KLHL3: variants seen among roughly 807,000 people sequenced by gnomAD.
The protein encoded by KLHL3 is kelch like family member 3, also known as kelch-like protein 3.
In KLHL3, 19 loss-of-function variants were observed where a neutral mutation model predicts 70.5. The observed-to-expected ratio is 0.27, with a 90% confidence interval of 0.19 to 0.40. The LOEUF (loss-of-function observed/expected upper bound fraction) is 0.40. Ranked by LOEUF, KLHL3 falls within the 10% of genes least tolerant of loss-of-function variation. The pLI, the probability that KLHL3 is intolerant of heterozygous loss-of-function variation, is 1.00. For missense variants in KLHL3, 512 were observed against 771.1 expected (o/e 0.66, Z 3.98); for synonymous variants, 258 against 290.3 (o/e 0.89, Z 1.13).
At chr5:137,645,697 G>C (rs546346402) in intron 8 of KLHL3, among the ~76,000 whole-genome samples, 20 of 152,082 alleles carry the variant, frequency 1.3e-4, no homozygotes, top group Admixed American at 2.6e-4. Flanking sequence ...ATCATGGAAA[G>C]AATTAATAAT....
intron 2 of KLHL3, among the ~76,000 whole-genome samples, chr5:137,712,969 T>G (rs916090019): frequency 2.0e-5 from 3 of 152,096 alleles, no homozygotes; most frequent in African/African-American, 7.2e-5. Flanking sequence ...CTGCTTCACT[T>G]TTCCTCCATA....
chr5:137,680,835 C>T (rs549532618), intron 5 of KLHL3, among the ~76,000 whole-genome samples: 6 of 152,228 alleles, frequency 3.9e-5, no homozygotes, highest in African/African-American at 7.2e-5. Context: ...TGAGCCACTG[C>T]GGCCGGCAGC....
intron 6 of KLHL3, among the ~76,000 whole-genome samples, chr5:137,671,614 T>C (rs2149903703): frequency 6.6e-6 from 1 of 152,310 alleles, no homozygotes; most frequent in Non-Finnish European, 1.5e-5. Context: ...TTTCTTCGTC[T>C]GCAAAATGAA....
intron 8 of KLHL3, among the ~76,000 whole-genome samples, chr5:137,654,607 A>G (rs1427466318): frequency 6.6e-6 from 1 of 152,218 alleles, no homozygotes; most frequent in African/African-American, 2.4e-5. Context: ...TGATGAGAGT[A>G]TAGTTTAAGA....
intron 8 of KLHL3, among the ~76,000 whole-genome samples, chr5:137,647,148 G>T (rs1050103477): frequency 4.6e-5 from 7 of 152,200 alleles, no homozygotes; most frequent in African/African-American, 1.7e-4. Flanking sequence ...ATTTTAGGAA[G>T]ATTAGTGAGC....
In KLHL3 at chr5:137,735,669, G is replaced by A. The variant is rs1168783699; in HGVS notation, c.-23C>T. 6.2e-7 allele frequency: 1 copy of A among 1,614,042 alleles called. No homozygotes were observed. The highest frequency in any genetic ancestry group is 8.5e-7 in the Non-Finnish European group (1 of 1,179,906). ...CATTGTGTGAGGCCCAGCCAGGGTG[G>A]TAGCTGCTGAACTGTGTATGCACTC... On this transcript the variant is annotated 5_prime_UTR_variant, in exon 1 of 15. Coordinates refer to ENST00000309755, the MANE Select transcript of KLHL3 (RefSeq NM_017415.3).
chr5:137,672,104 T>G (rs1469668791), intron 6 of KLHL3, among the ~76,000 whole-genome samples: 2 of 152,164 alleles, frequency 1.3e-5, no homozygotes, highest in African/African-American at 2.4e-5. Flanking sequence ...AACGCCAAGG[T>G]AGGGCGTTAA....
intron 8 of KLHL3, among the ~76,000 whole-genome samples, chr5:137,644,838 C>T (rs1250455787): frequency 6.6e-6 from 1 of 152,068 alleles, no homozygotes; most frequent in Non-Finnish European, 1.5e-5. Context: ...ACTCTAATAC[C>T]AAACTAGACA....
At chr5:137,707,648 G>C (rs1271661795) in intron 3 of KLHL3, 1 of 154,282 alleles carries the variant, frequency 6.5e-6, no homozygotes, top group Non-Finnish European at 1.5e-5. Context: ...GGATGGACGG[G>C]TGAATGGATG....
intron 1 of KLHL3, among the ~76,000 whole-genome samples, chr5:137,729,234 G>T (rs1753133616): frequency 6.6e-6 from 1 of 152,140 alleles, no homozygotes; most frequent in Non-Finnish European, 1.5e-5. Flanking sequence ...ACCACTCAAT[G>T]AAGGCAAAAC....
At chr5:137,713,941 T>G (rs923585133) in intron 2 of KLHL3, among the ~76,000 whole-genome samples, 3 of 152,142 alleles carry the variant, frequency 2.0e-5, no homozygotes, top group African/African-American at 7.2e-5. Context: ...TTGTTACATA[T>G]GTACACATGT....
In KLHL3 at chr5:137,617,568, A is replaced by G. The variant is rs941541540; in HGVS notation, c.*4530T>C. ...AGAACATGATTCCTGTTAAAATAAT[A>G]CATTTGAGGAAATGTTTCTTCAGCT... On this transcript the variant is annotated 3_prime_UTR_variant, in exon 15 of 15. Transcript: ENST00000309755. The G allele has an allele frequency of 1.3e-5, 2 of 152,248 alleles. No homozygotes were observed. Among genetic ancestry groups the G allele is most frequent in the African/African-American group, 2.4e-5 (1 of 41,462 alleles). 9.4% of individuals were successfully genotyped at this position (152,248 alleles called of 1,614,324 possible). A position where few individuals can be genotyped will look rare whatever the true frequency, so the allele number is the denominator to read the frequency against.
At chr5:137,645,269 A>G (rs1289861175) in intron 8 of KLHL3, among the ~76,000 whole-genome samples, 1 of 152,222 alleles carries the variant, frequency 6.6e-6, no homozygotes, top group Non-Finnish European at 1.5e-5. Flanking sequence ...AAGGATGCCC[A>G]CTTTCTCCAC....
chr5:137,668,174 G>GGCCGAGGAT (rs1751659498), intron 6 of KLHL3, among the ~76,000 whole-genome samples: 1 of 152,190 alleles, frequency 6.6e-6, no homozygotes, highest in Non-Finnish European at 1.5e-5. Flanking sequence ...AGGCCGAGGA[G>GGCCGAGGAT]GCCAAGGTGG....
chr5:137,679,678 C>T (rs1459029360), intron 5 of KLHL3, among the ~76,000 whole-genome samples: 1 of 152,156 alleles, frequency 6.6e-6, no homozygotes, highest in African/African-American at 2.4e-5. Flanking sequence ...AAAAAGTAGT[C>T]AGCACCCCAC....
At chr5:137,731,878 A>G (rs1391829094) in intron 1 of KLHL3, among the ~76,000 whole-genome samples, 2 of 152,198 alleles carry the variant, frequency 1.3e-5, no homozygotes, top group Non-Finnish European at 1.5e-5. Flanking sequence ...CATAAAATGT[A>G]TAATTTTAAC....
At chr5:137,622,164 C>T (rs1477126697) in intron 14 of KLHL3, 38 bp from the exon 15 acceptor site, 1 of 1,612,732 alleles carries the variant, frequency 6.2e-7, no homozygotes, top group South Asian at 1.1e-5. Flanking sequence ...ATCTTAGCTT[C>T]TCCAAAATTA....
At chr5:137,698,867 C>T (rs1561611614) in intron 3 of KLHL3, among the ~76,000 whole-genome samples, 2 of 152,202 alleles carry the variant, frequency 1.3e-5, no homozygotes, top group African/African-American at 4.8e-5. Flanking sequence ...TAATAAGTAA[C>T]ATTTCTTGAG....
chr5:137,647,310 A>G (rs544400890), intron 8 of KLHL3, among the ~76,000 whole-genome samples: 15 of 152,218 alleles, frequency 9.9e-5, no homozygotes, highest in African/African-American at 3.4e-4. Flanking sequence ...GTCCCTCCTC[A>G]CCGAAATCAC....
Sources: allele counts gnomAD v4.1 joint callset (sites outside exome capture counted in the v4.1 genomes callset), GRCh38; gene constraint gnomAD v4.1.1; transcripts MANE v1.5; gene names NCBI Gene and HGNC (gene_info 2026-07-23, HGNC 2026-07-21).